The following SEPTIN7 variants were observed in gnomAD, a reference collection of about 807,000 sequenced individuals.
SEPTIN7 encodes the protein septin 7, also known as septin-7.
SEPTIN7 carries 10 observed loss-of-function variants against 63.3 expected under a neutral mutation model. That is an observed-to-expected ratio of 0.16 (90% CI 0.10 to 0.27). The LOEUF (loss-of-function observed/expected upper bound fraction) is 0.27, where lower values mean the gene tolerates loss of function less well. Among genes scored for constraint, SEPTIN7 ranks in the 10% least tolerant of loss-of-function variants. The pLI is 1.00. For missense variants in SEPTIN7, 310 were observed against 521.0 expected, an observed-to-expected ratio of 0.59 and a Z score of 3.94; for synonymous variants, 131 against 165.3, an observed-to-expected ratio of 0.79 and a Z score of 1.59.
intron 1 of SEPTIN7, among the ~76,000 whole-genome samples, chr7:35,818,864 T>C (rs988385446): frequency 3.3e-5 from 5 of 151,972 alleles, no homozygotes; most frequent in Non-Finnish European, 7.4e-5. Context: ...GTTTTTTTTT[T>C]CTTGGCTGGT....
intron 1 of SEPTIN7, among the ~76,000 whole-genome samples, chr7:35,801,874 C>G (rs556112272): frequency 2.8e-4 from 42 of 152,130 alleles, no homozygotes; most frequent in Admixed American, 2.7e-3. Flanking sequence ...CTCCAGTCAC[C>G]GCGTCGCCTC....
chr7:35,914,235 T>C, the SEPTIN7 span, among the ~76,000 whole-genome samples: 3 of 152,250 alleles, frequency 2.0e-5, no homozygotes, highest in Non-Finnish European at 4.4e-5. Context: ...ATTTTAATTA[T>C]ATAGGAATGT....
chr7:35,837,289 G>A (rs1445643208), intron 3 of SEPTIN7, among the ~76,000 whole-genome samples: 1 of 152,056 alleles, frequency 6.6e-6, no homozygotes, highest in East Asian at 1.9e-4. Flanking sequence ...TTCTATGATT[G>A]CCTTTTAAAT....
chr7:35,852,959 G>C (rs1159116203), intron 3 of SEPTIN7, among the ~76,000 whole-genome samples: 1 of 152,114 alleles, frequency 6.6e-6, no homozygotes, highest in African/African-American at 2.4e-5. Context: ...GCCTGCTAAA[G>C]AGGTTATGAT....
intron 4 of SEPTIN7, among the ~76,000 whole-genome samples, chr7:35,871,573 A>G (rs1337518870): frequency 6.6e-6 from 1 of 152,188 alleles, no homozygotes; most frequent in Non-Finnish European, 1.5e-5. Flanking sequence ...GTGTTATTGG[A>G]TAGTGTGGCT....
rs1042628898 is a variant in SEPTIN7 at position 35,905,022 on chromosome 7, G to A, written c.*729G>A. 1 of 152,486 alleles carries A rather than the reference G, an allele frequency of 6.6e-6. No individual in the cohort carries two copies. Among genetic ancestry groups the A allele is most frequent in the African/African-American group, 2.4e-5 (1 of 41,382 alleles). 9.4% of individuals were successfully genotyped at this position (152,486 alleles called of 1,614,324 possible). ...AAATAGAATATAGCATCTTTCATAT[G>A]GTAGGAACCAACAAGGAAACTTTCC... is the stretch of plus-strand genomic sequence containing the variant. On this transcript the variant is annotated 3_prime_UTR_variant, in exon 14 of 14. Transcript: ENST00000350320.
chr7:35,846,696 C>A, intron 3 of SEPTIN7: 1 of 156,036 alleles, frequency 6.4e-6, no homozygotes. Flanking sequence ...CTGGAGAGTT[C>A]AGAGTTCTGT....
Position 35,843,890 on chromosome 7 carries a change from C to T in SEPTIN7, c.169+10990C>T, listed in dbSNP as rs138768191. On this transcript the variant is annotated intron_variant, in intron 3 of 13. Coordinates refer to ENST00000350320, the MANE Select transcript of SEPTIN7 (RefSeq NM_001788.6). ...AGATGATAAATACAAGGTAATTATG[C>T]ATATCAAAGAATCAAATGTGAAGAT... Among the ~76,000 whole-genome samples, 27 of 152,162 alleles carry T rather than the reference C, an allele frequency of 1.8e-4. No individual in the cohort carries two copies. The East Asian group carries it at 3.3e-3, about 18-fold the overall frequency.
In SEPTIN7 at chr7:35,819,536, G is replaced by A. The variant is rs539051772; in HGVS notation, c.62-11956G>A. Among the ~76,000 whole-genome samples the A allele has an allele frequency of 6.6e-5, 10 of 152,200 alleles. No individual in the cohort carries two copies. The East Asian group carries it at 1.9e-3, about 29-fold the overall frequency. ...TGTTTTACCCGTTATTGAAAGTAGG[G>A]TGTTGAAGGTCAGGTATTACTGTTC... On this transcript the variant is annotated intron_variant, in intron 1 of 13. Transcript: ENST00000350320.
chr7:35,826,766 T>G (rs75691938), intron 1 of SEPTIN7, among the ~76,000 whole-genome samples: 14,705 of 152,152 alleles, frequency 0.097, 821 homozygotes, highest in South Asian at 0.2. Context: ...AATAAGTTGC[T>G]GCTTTTTCCT....
chr7:35,815,494 C>G (rs1789002431), intron 1 of SEPTIN7, among the ~76,000 whole-genome samples: 1 of 152,136 alleles, frequency 6.6e-6, no homozygotes, highest in African/African-American at 2.4e-5. Context: ...TAACTCTTTT[C>G]TTCAACATTG....
chr7:35,854,195 A>G (rs1785090002), intron 3 of SEPTIN7, among the ~76,000 whole-genome samples: 1 of 152,216 alleles, frequency 6.6e-6, no homozygotes, highest in Non-Finnish European at 1.5e-5. Flanking sequence ...AGCATTTTGG[A>G]TAAGTGATAC....
At chr7:35,834,444 C>T (rs1220920535) in intron 3 of SEPTIN7, among the ~76,000 whole-genome samples, 1 of 151,924 alleles carries the variant, frequency 6.6e-6, no homozygotes, top group African/African-American at 2.4e-5. Flanking sequence ...AATATTCAGT[C>T]TCTAGATGTA....
chr7:35,835,861 G>T (rs535834965), intron 3 of SEPTIN7, among the ~76,000 whole-genome samples: 17 of 152,240 alleles, frequency 1.1e-4, no homozygotes, highest in African/African-American at 4.1e-4. Context: ...GGGACAACAG[G>T]GCACCTAAGT....
At chr7:35,805,782 A>G (rs902397252) in intron 1 of SEPTIN7, among the ~76,000 whole-genome samples, 1 of 152,206 alleles carries the variant, frequency 6.6e-6, no homozygotes, top group African/African-American at 2.4e-5. Flanking sequence ...TTTATGTGAA[A>G]TATAAAGATG....
At chr7:35,809,752 G>C (rs752260044) in intron 1 of SEPTIN7, among the ~76,000 whole-genome samples, 24 of 152,216 alleles carry the variant, frequency 1.6e-4, no homozygotes, top group Non-Finnish European at 2.8e-4. Flanking sequence ...TGGTATTGCT[G>C]TGCTGAGAAT....
chr7:35,874,030 G>C (rs1786321637), intron 6 of SEPTIN7: 1 of 342,920 alleles, frequency 2.9e-6, no homozygotes, highest in African/African-American at 2.2e-5. Flanking sequence ...TGCCACCATG[G>C]TTTGAGGTCT....
chr7:35,866,746 A>G (rs1785825489), intron 4 of SEPTIN7, among the ~76,000 whole-genome samples: 1 of 152,196 alleles, frequency 6.6e-6, no homozygotes, highest in Non-Finnish European at 1.5e-5. Flanking sequence ...CATTAAGATT[A>G]ATTCTTAACC....
intron 4 of SEPTIN7, among the ~76,000 whole-genome samples, chr7:35,864,108 G>A (rs1252685503): frequency 6.6e-6 from 1 of 151,786 alleles, no homozygotes; most frequent in East Asian, 1.9e-4. Context: ...GCATTAGATG[G>A]TGTAGAGAAA....
Sources: allele counts gnomAD v4.1 joint callset (sites outside exome capture counted in the v4.1 genomes callset), GRCh38; gene constraint gnomAD v4.1.1; transcripts MANE v1.5; gene names NCBI Gene and HGNC (gene_info 2026-07-23, HGNC 2026-07-21).